The following DGKB variants were observed in gnomAD, a reference collection of about 807,000 sequenced individuals.
DGKB encodes the protein 90 kDa diacylglycerol kinase.
In DGKB, 67 loss-of-function variants were observed where a neutral mutation model predicts 114.3. The ratio of observed to expected loss-of-function variants is 0.59; its 90% CI spans 0.48 to 0.72. The LOEUF is 0.72. Ranked by LOEUF, DGKB falls within the 30% of genes least tolerant of loss-of-function variation. DGKB has a pLI of 0.00. For missense variants in DGKB, 907 were observed against 975.2 expected (o/e 0.93, Z 0.93); for synonymous variants, 398 against 323.1 (o/e 1.23, Z -2.49).
At chr7:14,848,567 A>C (rs918002309) in intron 1 of DGKB, among the ~76,000 whole-genome samples, 3 of 152,200 alleles carry the variant, frequency 2.0e-5, no homozygotes, top group African/African-American at 7.2e-5. Flanking sequence ...TGTTTGCCTG[A>C]TGTGGTGACA....
chr7:14,963,761 T>A (rs34353772), intron 1 of DGKB, among the ~76,000 whole-genome samples: 1 of 152,116 alleles, frequency 6.6e-6, no homozygotes, highest in African/African-American at 2.4e-5. Context: ...ATTTCTCAGC[T>A]AACATTTCTT....
At chr7:14,788,597 G>C (rs549883904) in intron 2 of DGKB, among the ~76,000 whole-genome samples, 35 of 152,220 alleles carry the variant, frequency 2.3e-4, no homozygotes, top group African/African-American at 8.2e-4. Flanking sequence ...GACAACTATG[G>C]GTAGCCCATA....
intron 23 of DGKB, among the ~76,000 whole-genome samples, chr7:14,274,711 T>C (rs1266912564): frequency 2.6e-5 from 4 of 152,096 alleles, no homozygotes; most frequent in Non-Finnish European, 5.9e-5. Context: ...GGCTCTCTTG[T>C]TGGTTTGCGT....
intron 1 of DGKB, among the ~76,000 whole-genome samples, chr7:14,868,037 G>C (rs925008236): frequency 2.4e-4 from 36 of 152,120 alleles, no homozygotes; most frequent in Non-Finnish European, 4.3e-4. Flanking sequence ...GACCGGCGTG[G>C]ATTGAATCCC....
chr7:14,398,046 CAT>C (rs546797984), intron 21 of DGKB, among the ~76,000 whole-genome samples: 134 of 152,180 alleles, frequency 8.8e-4, no homozygotes, highest in African/African-American at 2.9e-3. Context: ...TCAATATAAA[CAT>C]TGGAATCACT....
chr7:14,640,391 T>C (rs1047628555), intron 13 of DGKB, among the ~76,000 whole-genome samples: 1 of 152,156 alleles, frequency 6.6e-6, no homozygotes, highest in African/African-American at 2.4e-5. Flanking sequence ...TTTAAAAATA[T>C]TTGTGGTCAA....
At chr7:14,290,543 G>T (rs951391909) in intron 23 of DGKB, among the ~76,000 whole-genome samples, 1 of 152,074 alleles carries the variant, frequency 6.6e-6, no homozygotes, top group Non-Finnish European at 1.5e-5. Flanking sequence ...CCTTCCCTCA[G>T]ACTCAGGCTG....
intron 9 of DGKB, among the ~76,000 whole-genome samples, chr7:14,690,660 G>A (rs976241895): frequency 6.6e-6 from 1 of 152,196 alleles, no homozygotes; most frequent in African/African-American, 2.4e-5. Flanking sequence ...TGGAACAGCA[G>A]AGTTTAGCAG....
intron 23 of DGKB, among the ~76,000 whole-genome samples, chr7:14,277,607 T>A (rs1317314840): frequency 6.6e-6 from 1 of 152,224 alleles, no homozygotes; most frequent in Non-Finnish European, 1.5e-5. Context: ...TTTCCCTCTT[T>A]AAGGCTGAAT....
intron 25 of DGKB, among the ~76,000 whole-genome samples, chr7:14,163,861 G>T (rs571044488): frequency 6.6e-6 from 1 of 151,950 alleles, no homozygotes; most frequent in Non-Finnish European, 1.5e-5. Context: ...TGGGTGCGGC[G>T]GCAGGTGCCT....
At position 14,770,661 on chromosome 7, in the gene DGKB, A is replaced by G. The variant is rs147434238; in HGVS notation, c.71-12930T>C. ...CTAGAACATCCCAGGACATCATTCT[A>G]GGATTGGTGATTGTGAGACAATATC... is the stretch of plus-strand genomic sequence containing the variant. On this transcript the variant is annotated intron_variant, in intron 2 of 25. Transcript: ENST00000402815. Among the ~76,000 whole-genome samples the G allele has an allele frequency of 2.5e-3, 380 of 152,276 alleles. 1 individual carries two copies. The highest frequency in any genetic ancestry group is 4.3e-3 in the Non-Finnish European group (295 of 67,998).
intron 23 of DGKB, among the ~76,000 whole-genome samples, chr7:14,246,114 TG>T (rs1238835744): frequency 6.6e-6 from 1 of 152,198 alleles, no homozygotes; most frequent in Non-Finnish European, 1.5e-5. Context: ...TGTACTGGTT[TG>T]TCTGCAATGT....
At chr7:14,367,994 A>G (rs1353333727) in intron 21 of DGKB, among the ~76,000 whole-genome samples, 1 of 151,944 alleles carries the variant, frequency 6.6e-6, no homozygotes, top group Non-Finnish European at 1.5e-5. Flanking sequence ...GAGCAAAACC[A>G]TATCATATAT....
chr7:14,438,435 C>A (rs1313250521), intron 21 of DGKB, among the ~76,000 whole-genome samples: 1 of 152,034 alleles, frequency 6.6e-6, no homozygotes, highest in East Asian at 1.9e-4. Context: ...TAAAAAGGAT[C>A]AAACACAGAC....
intron 23 of DGKB, among the ~76,000 whole-genome samples, chr7:14,331,789 T>C (rs1289668305): frequency 2.0e-5 from 3 of 152,168 alleles, no homozygotes; most frequent in African/African-American, 4.8e-5. Context: ...TTATTCTCTT[T>C]GATCAATTTG....
At chr7:14,869,009 G>A (rs78076136) in intron 1 of DGKB, among the ~76,000 whole-genome samples, 113 of 152,258 alleles carry the variant, frequency 7.4e-4, no homozygotes, top group Non-Finnish European at 1.2e-3. Flanking sequence ...GGTAAAGATA[G>A]AACATTTTTT....
chr7:14,450,740 G>A (rs17651229), intron 21 of DGKB, among the ~76,000 whole-genome samples: 17,209 of 152,034 alleles, frequency 0.11, 1,200 homozygotes, highest in East Asian at 0.21. Context: ...GTAGCAAAGA[G>A]CAGAAGGAGG....
chr7:14,598,955 A>T (rs1585037531), intron 17 of DGKB, among the ~76,000 whole-genome samples: 1 of 152,318 alleles, frequency 6.6e-6, no homozygotes, highest in East Asian at 1.9e-4. Context: ...GCCACAGCAT[A>T]ATGGGCTGGC....
chr7:14,474,475 C>T (rs575554877), intron 21 of DGKB, among the ~76,000 whole-genome samples: 1 of 152,246 alleles, frequency 6.6e-6, no homozygotes, highest in African/African-American at 2.4e-5. Flanking sequence ...AATACTTTTC[C>T]TATAACTGGT....
Sources: allele counts gnomAD v4.1 joint callset (sites outside exome capture counted in the v4.1 genomes callset), GRCh38; gene constraint gnomAD v4.1.1; transcripts MANE v1.5; gene names NCBI Gene and HGNC (gene_info 2026-07-23, HGNC 2026-07-21).